The following MOSMO variants were observed in gnomAD, a reference collection of about 807,000 sequenced individuals.
MOSMO encodes the protein modulator of smoothened.
MOSMO carries 5 observed loss-of-function variants against 18.4 expected under a neutral mutation model. That is an observed-to-expected ratio of 0.27 (90% CI 0.14 to 0.57). The LOEUF (loss-of-function observed/expected upper bound fraction) is 0.57, where lower values mean the gene tolerates loss of function less well. Among genes scored for constraint, MOSMO ranks in the 20% least tolerant of loss-of-function variants. MOSMO has a pLI of 0.92. For missense variants in MOSMO, 138 were observed against 211.8 expected (o/e 0.65, Z 2.16); for synonymous variants, 82 against 82.3 (o/e 1.00, Z 0.02).
chr16:22,069,447 T>A (rs1900805949), intron 1 of MOSMO, among the ~76,000 whole-genome samples: 1 of 151,390 alleles, frequency 6.6e-6, no homozygotes, highest in African/African-American at 2.4e-5. Flanking sequence ...CCAAGAAAGA[T>A]CCCTAAAGAA....
Position 22,075,641 on chromosome 16 carries a change from G to A in MOSMO, c.261G>A (p.Val87=), listed in dbSNP as rs1181976032. ...TGACTGTCACATGTGGTTTGCTGGTGGCTTCCCACTGGCGAAGAGAAGCTA... is the reference window on the plus strand; with the variant it reads ...TGACTGTCACATGTGGTTTGCTGGTAGCTTCCCACTGGCGAAGAGAAGCTA... The part of the protein sequence containing the change: ...ISLTVTCGLL[V]ASHWRREATK... Residue 87 remains valine (V), a synonymous_variant, in exon 2 of 3, where the codon GTG becomes GTA. Coordinates refer to ENST00000542527, the MANE Select transcript of MOSMO (RefSeq NM_001164579.2). 3 of 1,537,400 alleles carry A rather than the reference G, an allele frequency of 2.0e-6. No homozygotes were observed. The highest frequency in any genetic ancestry group is 2.6e-6 in the Non-Finnish European group (3 of 1,146,948).
At chr16:22,092,283 G>A, downstream of MOSMO, 2 of 221,102 alleles carry the variant, frequency 9.0e-6, no homozygotes, top group South Asian at 1.5e-4. Context: ...CACGCACCAG[G>A]GCTGTACTGG....
chr16:22,066,282 AAC>A (rs746113692), intron 1 of MOSMO, among the ~76,000 whole-genome samples: 10 of 152,190 alleles, frequency 6.6e-5, no homozygotes, highest in Non-Finnish European at 1.0e-4. Context: ...ATTTGTTAAA[AAC>A]AGTCAGCAGT....
chr16:22,013,901 A>G (rs546111778), intron 1 of MOSMO, among the ~76,000 whole-genome samples: 291 of 152,054 alleles, frequency 1.9e-3, no homozygotes, highest in Non-Finnish European at 3.0e-3. Context: ...AATCTCAAAA[A>G]CTGACATGTT....
intron 1 of MOSMO, among the ~76,000 whole-genome samples, chr16:22,045,245 G>A (rs1005904977): frequency 6.6e-6 from 1 of 151,654 alleles, no homozygotes; most frequent in Non-Finnish European, 1.5e-5. Context: ...TCTTCTCTGT[G>A]GTTTCTTATA....
intron 1 of MOSMO, among the ~76,000 whole-genome samples, chr16:22,063,746 A>T (rs1015444295): frequency 2.0e-5 from 3 of 152,236 alleles, no homozygotes; most frequent in South Asian, 2.1e-4. Flanking sequence ...GAGGAACCCA[A>T]AGATGACATC....
At chr16:22,028,652 C>T (rs1228997385) in intron 1 of MOSMO, among the ~76,000 whole-genome samples, 1 of 152,126 alleles carries the variant, frequency 6.6e-6, no homozygotes, top group Non-Finnish European at 1.5e-5. Context: ...TGACCTTTCA[C>T]TATACTTAGC....
intron 1 of MOSMO, among the ~76,000 whole-genome samples, chr16:22,050,264 A>G (rs1900395377): frequency 6.6e-6 from 1 of 152,238 alleles, no homozygotes; most frequent in Admixed American, 6.5e-5. Flanking sequence ...AGCACCAAGT[A>G]CTTTAATTTA....
intron 1 of MOSMO, among the ~76,000 whole-genome samples, chr16:22,074,167 C>G (rs1296409065): frequency 2.6e-5 from 4 of 152,180 alleles, no homozygotes. Context: ...GGGCAGCTTC[C>G]CAAAATGCCA....
intron 1 of MOSMO, among the ~76,000 whole-genome samples, chr16:22,030,636 A>G (rs1350278092): frequency 6.6e-6 from 1 of 152,138 alleles, no homozygotes; most frequent in Non-Finnish European, 1.5e-5. Flanking sequence ...TCCCAGGTTC[A>G]GGTGATTCTC....
At chr16:22,080,564 T>A (rs1901059364) in intron 2 of MOSMO, 132 bp from the exon 3 acceptor site, 3 of 543,844 alleles carry the variant, frequency 5.5e-6, no homozygotes, top group Admixed American at 4.2e-5. Flanking sequence ...TATATACACA[T>A]TTTTAACAAG....
At chr16:22,025,986 A>G (rs1222025891) in intron 1 of MOSMO, among the ~76,000 whole-genome samples, 6 of 152,138 alleles carry the variant, frequency 3.9e-5, no homozygotes, top group South Asian at 2.1e-4. Flanking sequence ...CAATAATTTC[A>G]TTCCATGTAA....
chr16:22,010,778 G>A (rs1307736686), intron 1 of MOSMO, among the ~76,000 whole-genome samples: 3 of 152,034 alleles, frequency 2.0e-5, no homozygotes, highest in Non-Finnish European at 2.9e-5. Context: ...GAAGTTAGCC[G>A]GGCGCGGTGG....
Position 22,075,507 on chromosome 16 carries a change from G to T in MOSMO, c.127G>T (p.Val43Leu), listed in dbSNP as rs1293752053. 1 of 1,537,270 alleles carries T rather than the reference G, an allele frequency of 6.5e-7. No individual in the cohort carries two copies. The highest frequency in any genetic ancestry group is 8.7e-7 in the Non-Finnish European group (1 of 1,146,908). The change falls in exon 2 of 3, where the codon GTG (valine) becomes TTG (leucine). Residue 43 changes from valine to leucine, a missense_variant. Physicochemically the swap from Val to Leu is conservative, Grantham distance 32. Transcript: ENST00000542527. ...ESAGALTVGLVRQCQTIHGRD... is the reference protein window; with the variant it reads ...ESAGALTVGLLRQCQTIHGRD... Reference sequence around the variant, plus strand: ...CCCAGGAGCACTCACTGTGGGCCTCGTGCGACAGTGTCAAACAATCCATGG... The same window carrying T: ...CCCAGGAGCACTCACTGTGGGCCTCTTGCGACAGTGTCAAACAATCCATGG...
intron 1 of MOSMO, among the ~76,000 whole-genome samples, chr16:22,033,059 G>C (rs1441610063): frequency 6.6e-6 from 1 of 152,076 alleles, no homozygotes; most frequent in South Asian, 2.1e-4. Flanking sequence ...TTATACCAGT[G>C]CTACATTATC....
intron 1 of MOSMO, among the ~76,000 whole-genome samples, chr16:22,021,720 C>T (rs1899766992): frequency 6.6e-6 from 1 of 151,882 alleles, no homozygotes; most frequent in African/African-American, 2.4e-5. Context: ...ATCTCATGAG[C>T]CTGGGAGGTG....
chr16:22,061,848 CT>C (rs1238026306), intron 1 of MOSMO, among the ~76,000 whole-genome samples: 5 of 152,124 alleles, frequency 3.3e-5, no homozygotes, highest in African/African-American at 1.2e-4. Flanking sequence ...TCTGCAAAAG[CT>C]TAGGTAGTGT....
intron 1 of MOSMO, among the ~76,000 whole-genome samples, chr16:22,073,647 G>C (rs901710734): frequency 1.3e-5 from 2 of 150,920 alleles, no homozygotes; most frequent in Non-Finnish European, 2.9e-5. Flanking sequence ...CCTCTCTTCT[G>C]GTTTCAAGCA....
At chr16:22,027,317 A>C (rs578192980) in intron 1 of MOSMO, among the ~76,000 whole-genome samples, 1 of 152,234 alleles carries the variant, frequency 6.6e-6, no homozygotes, top group African/African-American at 2.4e-5. Context: ...TAATGTTTCT[A>C]AAGTTTTAAC....
Sources: gnomAD v4.1 joint callset for allele counts (sites outside exome capture counted in the v4.1 genomes callset) on GRCh38, gnomAD v4.1.1 for gene constraint, MANE v1.5 for transcripts, NCBI Gene and HGNC (gene_info 2026-07-23, HGNC 2026-07-21) for gene names.